LRRN1: variants seen among roughly 807,000 people sequenced by gnomAD.
LRRN1 encodes leucine-rich repeat neuronal protein 1.
A neutral mutation model predicts 45.8 loss-of-function variants in LRRN1; 14 were observed. The observed-to-expected ratio is 0.31, with a 90% CI of 0.20 to 0.48. LRRN1 has a LOEUF of 0.48. Ranked by LOEUF, LRRN1 falls within the 20% of genes least tolerant of loss-of-function variation. LRRN1 has a pLI of 0.99. For missense variants in LRRN1, 789 were observed against 874.2 expected, an observed-to-expected ratio of 0.90 and a Z score of 1.23; for synonymous variants, 359 against 330.1, an observed-to-expected ratio of 1.09 and a Z score of -0.95.
At chr3:3,837,533 T>A (rs1693549127) in intron 1 of LRRN1, among the ~76,000 whole-genome samples, 1 of 151,922 alleles carries the variant, frequency 6.6e-6, no homozygotes, top group South Asian at 2.1e-4. Context: ...TGAAACACAC[T>A]CTCTAAATAG....
chr3:3,803,129 A>G (rs1016198093), intron 1 of LRRN1, among the ~76,000 whole-genome samples: 5 of 152,200 alleles, frequency 3.3e-5, no homozygotes, highest in Non-Finnish European at 4.4e-5. Flanking sequence ...AAACTCAACC[A>G]TTGATCTCTC....
Position 3,845,897 on chromosome 3 carries a change from G to A in LRRN1, c.1256G>A (p.Ser419Asn), listed in dbSNP as rs1281109733. The stretch of plus-strand genomic sequence containing the variant: ...AAGGAAGTTTTAATCCAGGATTCGA[G>A]TGAACAGTGCCTCCCAATGATATCT... ...QVKEVLIQDS[S>N]EQCLPMISHD... is the part of the protein sequence containing the mutation. The change falls in exon 2 of 2, where the codon AGT becomes AAT. Residue 419 changes from serine (S) to asparagine (N), a missense_variant. Physicochemically the swap from Ser to Asn is conservative, Grantham distance 46 (BLOSUM62 1). Coordinates refer to ENST00000319331, the MANE Select transcript of LRRN1 (RefSeq NM_020873.7). This position sits in a 1 kb window ranked among gnomAD's most constrained non-coding sequence, Gnocchi z 6.5. The A allele has an allele frequency of 6.2e-7, 1 of 1,614,096 alleles. No individual in the cohort carries two copies. Among genetic ancestry groups the A allele is most frequent in the South Asian group, 1.1e-5 (1 of 91,076 alleles).
intron 1 of LRRN1, among the ~76,000 whole-genome samples, chr3:3,820,062 T>C (rs896764984): frequency 1.0e-3 from 154 of 152,284 alleles, no homozygotes; most frequent in African/African-American, 3.5e-3. Flanking sequence ...TTTGTTGTTG[T>C]TGTTGTTGTT....
At chr3:3,837,695 CA>C (rs1301238697) in intron 1 of LRRN1, among the ~76,000 whole-genome samples, 1 of 151,700 alleles carries the variant, frequency 6.6e-6, no homozygotes, top group Admixed American at 6.6e-5. Flanking sequence ...GCCACCGCAC[CA>C]CATTTTTTTT....
intron 1 of LRRN1, among the ~76,000 whole-genome samples, chr3:3,834,525 G>GATATATAGATATATATAT: frequency 3.7e-5 from 1 of 27,328 alleles, no homozygotes; most frequent in Admixed American, 6.7e-4. Context: ...GACAGAACAG[G>GATATATAGATATATATAT]ATATATATAT....
rs1321059677 is a variant in LRRN1, at chr3:3,849,262, T to C, written c.*2470T>C. ...CAGCCGTTTCTCCATTCTGAAGATATAGCAAGCACCGGGAAATCTAAGATT... is the reference window on the plus strand; with the variant it reads ...CAGCCGTTTCTCCATTCTGAAGATACAGCAAGCACCGGGAAATCTAAGATT... On this transcript the variant is annotated 3_prime_UTR_variant, in exon 2 of 2. Coordinates refer to ENST00000319331, the MANE Select transcript of LRRN1 (RefSeq NM_020873.7). 3.9e-5 allele frequency among the ~76,000 whole-genome samples: 6 copies of C among 152,158 alleles called. No individual in the cohort carries two copies. The highest frequency in any genetic ancestry group is 1.2e-4 in the African/African-American group (5 of 41,426).
chr3:3,818,468 T>C (rs1409008572), intron 1 of LRRN1, among the ~76,000 whole-genome samples: 1 of 152,184 alleles, frequency 6.6e-6, no homozygotes, highest in Non-Finnish European at 1.5e-5. Context: ...AATTGCCACT[T>C]TCATGATTCC....
At chr3:3,840,699 G>A (rs1217942479) in intron 1 of LRRN1, among the ~76,000 whole-genome samples, 1 of 152,058 alleles carries the variant, frequency 6.6e-6, no homozygotes, top group Non-Finnish European at 1.5e-5. Context: ...ATAGAATGTA[G>A]GAGAAAAAAA....
At position 3,799,450 on chromosome 3, in the gene LRRN1, C is replaced by A. The variant is rs1413894070; in HGVS notation, c.-748C>A. The A allele has an allele frequency of 6.6e-6, 1 of 151,940 alleles. No individual in the cohort carries two copies. The highest frequency in any genetic ancestry group is 2.4e-5 in the African/African-American group (1 of 41,420). The allele number at this position is 151,940 out of a possible 1,614,324, so 9.4% of individuals were successfully genotyped here. A position where few individuals can be genotyped will look rare whatever the true frequency, so the allele number is the denominator to read the frequency against. ...TGCGGGGAGCACAAAGCGGGGCGCA[C>A]CGCGGGCGCCGGCAACGAGCCGGTG... On this transcript the variant is annotated 5_prime_UTR_variant, in exon 1 of 2. Transcript: ENST00000319331.
intron 1 of LRRN1, among the ~76,000 whole-genome samples, chr3:3,823,769 T>C (rs1276134368): frequency 6.6e-6 from 1 of 152,168 alleles, no homozygotes; most frequent in Non-Finnish European, 1.5e-5. Context: ...TGTGCCTTTC[T>C]TTTTAATTTT....
chr3:3,822,862 C>T (rs1028029178), intron 1 of LRRN1: 4 of 152,134 alleles, frequency 2.6e-5, no homozygotes, highest in African/African-American at 9.7e-5. Context: ...CCTTCCCATT[C>T]TTTCATCGGG....
At chr3:3,843,887 A>T (rs1334379520) in intron 1 of LRRN1, among the ~76,000 whole-genome samples, 1 of 152,262 alleles carries the variant, frequency 6.6e-6, no homozygotes, top group African/African-American at 2.4e-5. Flanking sequence ...TGAGTCTTTA[A>T]TAAACTACCT....
rs994029874 is a variant in LRRN1, at chr3:3,799,646, G to C, written c.-552G>C. The C allele has an allele frequency of 2.0e-5, 3 of 153,058 alleles. No individual in the cohort carries two copies. Among genetic ancestry groups the C allele is most frequent in the African/African-American group, 7.2e-5 (3 of 41,484 alleles). 9.5% of individuals were successfully genotyped at this position (153,058 alleles called of 1,614,324 possible). A position where few individuals can be genotyped will look rare whatever the true frequency, so the allele number is the denominator to read the frequency against. On this transcript the variant is annotated 5_prime_UTR_variant, in exon 1 of 2. Transcript: ENST00000319331. Reference sequence around the variant, plus strand: ...CCCACTTCTCCGACCCTCCTTCCCAGTCCTGCCTCCCCCTGCCCTGGCCTC... The same window carrying C: ...CCCACTTCTCCGACCCTCCTTCCCACTCCTGCCTCCCCCTGCCCTGGCCTC...
rs1559314250 is a variant in LRRN1, at chr3:3,845,824, CT to C, written c.1184del (p.Leu395ArgfsTer16). On this transcript the variant is annotated frameshift_variant, in exon 2 of 2. Coordinates refer to ENST00000319331, the MANE Select transcript of LRRN1 (RefSeq NM_020873.7). LOFTEE classifies it high-confidence loss of function. This position sits in a 1 kb window ranked among gnomAD's most constrained non-coding sequence, Gnocchi z 6.5. ...NKTNIRFMEP[L>X]SMFCAMPPEY... ...AACCAACATCCGCTTCATGGAGCCC[CT>C]GTCCATGTTCTGTGCCATGCCGCCC... 6.2e-7 allele frequency: 1 copy of C among 1,614,112 alleles called. No homozygotes were observed. The highest frequency in any genetic ancestry group is 8.5e-7 in the Non-Finnish European group (1 of 1,180,014).
rs1180048450 is a variant in LRRN1, at chr3:3,845,160, C to T, written c.519C>T (p.His173=). Residue 173 remains histidine (H), a synonymous_variant, in exon 2 of 2, where the codon CAC becomes CAT. Transcript: ENST00000319331. The surrounding 1 kb of genome is among the most constrained non-coding windows in gnomAD (Gnocchi z 6.5). ...GCTTAAAAAATCTATTAAGGCTCCA[C>T]CTGAACTCCAACAAATTGAAAGTTA... The part of the protein sequence containing the change: ...FAGLKNLLRL[H]LNSNKLKVID... The T allele has an allele frequency of 7.4e-6, 12 of 1,614,030 alleles. No homozygotes were observed. The highest frequency in any genetic ancestry group is 2.2e-5 in the South Asian group (2 of 91,082).
chr3:3,835,584 A>ATTT (rs59300921), intron 1 of LRRN1, among the ~76,000 whole-genome samples: 343 of 135,250 alleles, frequency 2.5e-3, no homozygotes, highest in East Asian at 5.6e-3. Flanking sequence ...GAGCTGCCTG[A>ATTT]TTTTTTTTTT....
chr3:3,813,807 C>A (rs1203830113), intron 1 of LRRN1, among the ~76,000 whole-genome samples: 1 of 152,076 alleles, frequency 6.6e-6, no homozygotes, highest in Non-Finnish European at 1.5e-5. Flanking sequence ...GAACGAAGCC[C>A]CTGCCTATTG....
intron 1 of LRRN1, chr3:3,801,017 G>T (rs2106447394): frequency 6.6e-6 from 1 of 152,418 alleles, no homozygotes; most frequent in East Asian, 1.9e-4. Flanking sequence ...CAGCGAGAGG[G>T]CCGCGTGTCC....
intron 1 of LRRN1, among the ~76,000 whole-genome samples, chr3:3,800,331 GAGC>G: frequency 6.6e-6 from 1 of 152,086 alleles, no homozygotes; most frequent in Non-Finnish European, 1.5e-5. Flanking sequence ...TGGGGCTGGA[GAGC>G]AGCGCGGAAA....
Sources: gnomAD v4.1 joint callset for allele counts (sites outside exome capture counted in the v4.1 genomes callset) on GRCh38, gnomAD v4.1.1 for gene constraint, Gnocchi (gnomAD v3.1) non-coding constraint, MANE v1.5 for transcripts, NCBI Gene and HGNC (gene_info 2026-07-23, HGNC 2026-07-21) for gene names.